Variants in GNAO1 observed in about 807,000 individuals in gnomAD.
GNAO1 encodes G protein subunit alpha o1, also known as guanine nucleotide-binding protein G(o) subunit alpha.
For synonymous variants in GNAO1, 164 were observed against 180.7 expected (o/e 0.91, Z 0.74); for missense variants, 166 against 478.7 (o/e 0.35, Z 6.10).
intron 2 of GNAO1, among the ~76,000 whole-genome samples, chr16:56,203,026 A>T (rs1423996680): frequency 1.3e-5 from 2 of 152,206 alleles, no homozygotes; most frequent in Non-Finnish European, 2.9e-5. Flanking sequence ...GAGGGATCCA[A>T]TTTCTGCCTT....
At chr16:56,202,460 A>C (rs1434079090) in intron 2 of GNAO1, among the ~76,000 whole-genome samples, 1 of 152,218 alleles carries the variant, frequency 6.6e-6, no homozygotes, top group African/African-American at 2.4e-5. Flanking sequence ...CTTTGCTTTT[A>C]TTGTTCATTT....
At chr16:56,266,928 G>A (rs1268932784) in intron 2 of GNAO1, among the ~76,000 whole-genome samples, 2 of 152,012 alleles carry the variant, frequency 1.3e-5, no homozygotes, top group South Asian at 4.1e-4. Context: ...GGCTGCTGCA[G>A]TTCCTAGAAA....
chr16:56,195,383 T>G (rs1217116114), intron 2 of GNAO1, among the ~76,000 whole-genome samples: 1 of 152,222 alleles, frequency 6.6e-6, no homozygotes, highest in South Asian at 2.1e-4. Context: ...ACTTGTTTTG[T>G]TAACCACAAA....
intron 6 of GNAO1, among the ~76,000 whole-genome samples, chr16:56,337,904 C>T (rs1248955165): frequency 6.6e-6 from 1 of 152,192 alleles, no homozygotes; most frequent in African/African-American, 2.4e-5. Context: ...CACAGCCTGG[C>T]GTCTGTCATC....
At chr16:56,253,731 T>C (rs1184169522) in intron 2 of GNAO1, among the ~76,000 whole-genome samples, 1 of 152,166 alleles carries the variant, frequency 6.6e-6, no homozygotes, top group Non-Finnish European at 1.5e-5. Context: ...TTTGACCCGA[T>C]GGGCCATGCA....
In GNAO1 at chr16:56,265,987, G is replaced by T. The variant is rs142112848; in HGVS notation, c.162-9944G>T. Among the ~76,000 whole-genome samples, 881 of 152,172 alleles carry T rather than the reference G, an allele frequency of 5.8e-3. 6 individuals are homozygous for T. The highest frequency in any genetic ancestry group is 0.01 in the Non-Finnish European group (692 of 68,004). ...GGCCTTTGCTCTTGCTGCTCCCTCT[G>T]CCTGTTGCGTTCTTCCTCACCAATA... On this transcript the variant is annotated intron_variant, in intron 2 of 8. Transcript: ENST00000262493.
intron 2 of GNAO1, among the ~76,000 whole-genome samples, chr16:56,196,359 A>G (rs2036233364): frequency 6.6e-6 from 1 of 152,152 alleles, no homozygotes; most frequent in Admixed American, 6.5e-5. Context: ...CAGCCTCATC[A>G]TTTTGTAGTC....
intron 4 of GNAO1, 67 bp downstream of exon 4, chr16:56,328,858 T>C (rs2037661906): frequency 6.6e-7 from 1 of 1,521,190 alleles, no homozygotes; most frequent in Non-Finnish European, 9.1e-7. Context: ...GGACTGGTGA[T>C]GGGGATTGGC....
At chr16:56,217,561 G>C (rs751339557) in intron 2 of GNAO1, among the ~76,000 whole-genome samples, 1 of 152,198 alleles carries the variant, frequency 6.6e-6, no homozygotes, top group Non-Finnish European at 1.5e-5. Context: ...TAAAGTAAGT[G>C]AAGTGAAGTA....
chr16:56,200,783 G>C (rs2036275673), intron 2 of GNAO1, among the ~76,000 whole-genome samples: 1 of 152,210 alleles, frequency 6.6e-6, no homozygotes, highest in Non-Finnish European at 1.5e-5. Context: ...CCTTCTGGAG[G>C]TGGTAGTAAT....
At chr16:56,312,713 T>G (rs2037472592) in intron 3 of GNAO1, among the ~76,000 whole-genome samples, 1 of 152,232 alleles carries the variant, frequency 6.6e-6, no homozygotes, top group African/African-American at 2.4e-5. Flanking sequence ...CCTCTGCAGG[T>G]GGAGGCCTTG....
intron 3 of GNAO1, among the ~76,000 whole-genome samples, chr16:56,287,147 G>C (rs1021303587): frequency 6.6e-6 from 1 of 152,226 alleles, no homozygotes; most frequent in Admixed American, 6.5e-5. Flanking sequence ...CAATGGTCTC[G>C]CCTTTCCACT....
At chr16:56,286,064 G>T (rs1422129347) in intron 3 of GNAO1, among the ~76,000 whole-genome samples, 2 of 152,226 alleles carry the variant, frequency 1.3e-5, no homozygotes, top group African/African-American at 4.8e-5. Flanking sequence ...GGAAGGCTGT[G>T]TGGGGTGGGG....
chr16:56,310,161 G>GA lies in GNAO1; in HGVS notation c.304-18460dup, dbSNP rs547268864. Among the ~76,000 whole-genome samples the GA allele has an allele frequency of 1.1e-3, 162 of 147,572 alleles. 1 individual carries two copies. Among genetic ancestry groups the GA allele is most frequent in the African/African-American group, 3.2e-3 (130 of 40,170 alleles). On this transcript the variant is annotated intron_variant, in intron 3 of 8. Coordinates refer to ENST00000262493, the MANE Select transcript of GNAO1 (RefSeq NM_020988.3). ...ATTTCTAAAAAACAAAAAAAAGAAA[G>GA]AAAAAAAAAAGAAAAAATCAGCAGG...
chr16:56,241,372 A>G (rs2036692609), intron 2 of GNAO1, among the ~76,000 whole-genome samples: 1 of 152,182 alleles, frequency 6.6e-6, no homozygotes, highest in Non-Finnish European at 1.5e-5. Flanking sequence ...CATGCCACTC[A>G]GTCACTGAGG....
chr16:56,345,026 A>T, intron 6 of GNAO1: 1 of 985,344 alleles, frequency 1.0e-6, no homozygotes, highest in Non-Finnish European at 1.2e-6. Flanking sequence ...ACCCTGGAGT[A>T]TTTGGACCCA....
At chr16:56,287,476 T>C (rs1408058868) in intron 3 of GNAO1, among the ~76,000 whole-genome samples, 1 of 152,186 alleles carries the variant, frequency 6.6e-6, no homozygotes, top group African/African-American at 2.4e-5. Context: ...ACAGGGTTGT[T>C]GTGGCTAAAA....
chr16:56,207,296 G>A (rs2036339086), intron 2 of GNAO1, among the ~76,000 whole-genome samples: 1 of 152,136 alleles, frequency 6.6e-6, no homozygotes, highest in Non-Finnish European at 1.5e-5. Context: ...GTTAAGAAAA[G>A]ACCAAAAAAA....
At chr16:56,336,037 C>T (rs1240858172) in intron 5 of GNAO1, among the ~76,000 whole-genome samples, 2 of 152,212 alleles carry the variant, frequency 1.3e-5, no homozygotes, top group African/African-American at 4.8e-5. Flanking sequence ...CAGGACTCCT[C>T]GCTCTGGGGA....
Sources: allele counts gnomAD v4.1 joint callset (sites outside exome capture counted in the v4.1 genomes callset), GRCh38; gene constraint gnomAD v4.1.1; transcripts MANE v1.5; gene names NCBI Gene and HGNC (gene_info 2026-07-23, HGNC 2026-07-21).